The following PLA2G4A variants were observed in gnomAD, a reference collection of about 807,000 sequenced individuals.
The protein encoded by PLA2G4A is cytosolic phospholipase A2.
PLA2G4A carries 40 observed loss-of-function variants against 81.9 expected under a neutral mutation model. The observed-to-expected ratio is 0.49, with a 90% confidence interval of 0.38 to 0.64. PLA2G4A has a LOEUF of 0.64. Ranked by LOEUF, PLA2G4A falls within the 30% of genes least tolerant of loss-of-function variation. PLA2G4A has a pLI of 0.00. For synonymous variants in PLA2G4A, 302 were observed against 296.9 expected, an observed-to-expected ratio of 1.02 and a Z score of -0.18; for missense variants, 715 against 905.1, an observed-to-expected ratio of 0.79 and a Z score of 2.69.
chr1:186,957,591 G>C (rs1174635809), intron 14 of PLA2G4A, among the ~76,000 whole-genome samples: 1 of 152,222 alleles, frequency 6.6e-6, no homozygotes, highest in Non-Finnish European at 1.5e-5. Context: ...TGACTCCCTA[G>C]TGCAACATAG....
chr1:186,971,871 T>C (rs1277044849), intron 15 of PLA2G4A, among the ~76,000 whole-genome samples: 4 of 152,108 alleles, frequency 2.6e-5, no homozygotes, highest in Non-Finnish European at 5.9e-5. Flanking sequence ...ATATGCAATA[T>C]GATTTTATTA....
At position 186,871,381 on chromosome 1, in the gene PLA2G4A, T is replaced by A. The variant is rs546737723; in HGVS notation, c.115+865T>A. Among the ~76,000 whole-genome samples, 17 of 151,848 alleles carry A rather than the reference T, an allele frequency of 1.1e-4. No homozygotes were observed. In the East Asian group the frequency reaches 1.5e-3, roughly 14 times the overall value. ...TTTGATAACATCTTAGATTTAATAA[T>A]GTCTTAGATTTAACATCTTAGATTG... On this transcript the variant is annotated intron_variant, in intron 3 of 17. Transcript: ENST00000367466.
At chr1:186,987,081 GTTACTA>G (rs1439742631) in intron 17 of PLA2G4A, among the ~76,000 whole-genome samples, 1 of 152,146 alleles carries the variant, frequency 6.6e-6, no homozygotes, top group Non-Finnish European at 1.5e-5. Context: ...CGTTTTTAAA[GTTACTA>G]TTAGAGAATA....
At chr1:186,955,217 T>C (rs182112931) in intron 13 of PLA2G4A, among the ~76,000 whole-genome samples, 32 of 152,324 alleles carry the variant, frequency 2.1e-4, no homozygotes, top group African/African-American at 7.7e-4. Context: ...TTTGTTTAAA[T>C]TAAAGGCTTT....
chr1:186,958,814 G>A (rs182374403), intron 14 of PLA2G4A, among the ~76,000 whole-genome samples: 1 of 152,250 alleles, frequency 6.6e-6, no homozygotes, highest in East Asian at 1.9e-4. Context: ...CAACTTCCTG[G>A]AAGTTTTGCA....
intron 8 of PLA2G4A, among the ~76,000 whole-genome samples, 189 bp downstream of exon 8, chr1:186,933,088 T>C (rs1655812736): frequency 6.6e-6 from 1 of 152,160 alleles, no homozygotes. Context: ...ATAATAACTT[T>C]TTGTTGCAAA....
chr1:186,847,110 T>C (rs1652204325), intron 1 of PLA2G4A, among the ~76,000 whole-genome samples: 2 of 147,686 alleles, frequency 1.4e-5, no homozygotes, highest in South Asian at 4.4e-4. Flanking sequence ...AATCTACATA[T>C]ATATTTATAT....
At chr1:186,852,089 C>A (rs988678192) in intron 1 of PLA2G4A, among the ~76,000 whole-genome samples, 1 of 151,906 alleles carries the variant, frequency 6.6e-6, no homozygotes, top group Non-Finnish European at 1.5e-5. Context: ...TCCTATCATT[C>A]ATTCATTATT....
chr1:186,979,206 T>C (rs1657635148), intron 16 of PLA2G4A, 109 bp from the exon 17 acceptor site: 2 of 799,020 alleles, frequency 2.5e-6, no homozygotes, highest in South Asian at 1.4e-5. Context: ...TACCTGGCTC[T>C]GTGGGGACTC....
At chr1:186,881,496 T>C (rs972334912) in intron 3 of PLA2G4A, among the ~76,000 whole-genome samples, 2 of 152,066 alleles carry the variant, frequency 1.3e-5, no homozygotes, top group Non-Finnish European at 2.9e-5. Context: ...AGGAATTGTC[T>C]TTCAGCATCT....
intron 3 of PLA2G4A, among the ~76,000 whole-genome samples, chr1:186,890,851 C>CA (rs11390247): frequency 0.57 from 73,751 of 130,468 alleles, 20,219 homozygotes; most frequent in African/African-American, 0.69. Context: ...GACTCTGTCT[C>CA]AAAAAAAAAA....
At chr1:186,959,900 CA>C (rs1369163774) in intron 14 of PLA2G4A, among the ~76,000 whole-genome samples, 3 of 140,876 alleles carry the variant, frequency 2.1e-5, no homozygotes, top group Non-Finnish European at 4.6e-5. Flanking sequence ...ACCCCCATGC[CA>C]AAAAAAAGAT....
chr1:186,951,643 C>T (rs1216002055), intron 13 of PLA2G4A, among the ~76,000 whole-genome samples: 2 of 152,102 alleles, frequency 1.3e-5, no homozygotes, highest in Non-Finnish European at 1.5e-5. Flanking sequence ...CCTGTTTTAT[C>T]CTTGCTTAAT....
At chr1:186,955,904 T>TTA in intron 13 of PLA2G4A, among the ~76,000 whole-genome samples, 198 bp from the exon 14 acceptor site, 1 of 150,366 alleles carries the variant, frequency 6.7e-6, no homozygotes, top group South Asian at 2.1e-4. Context: ...CAGCTAATTT[T>TTA]TTTTTTTTTG....
At chr1:186,863,915 C>A (rs2102046414) in intron 2 of PLA2G4A, among the ~76,000 whole-genome samples, 1 of 152,158 alleles carries the variant, frequency 6.6e-6, no homozygotes, top group South Asian at 2.1e-4. Flanking sequence ...TGCCTGCCAC[C>A]ACGCCTGGCT....
intron 3 of PLA2G4A, among the ~76,000 whole-genome samples, chr1:186,892,199 C>T (rs1035158548): frequency 2.0e-5 from 3 of 152,064 alleles, no homozygotes; most frequent in African/African-American, 7.2e-5. Flanking sequence ...AATTTCTTGT[C>T]AGATGGGTAG....
rs777547571 is a variant in PLA2G4A at position 186,854,251 on chromosome 1, AG to A, written c.-69-33del. 404 of 757,084 alleles carry A rather than the reference AG, an allele frequency of 5.3e-4. 2 individuals are homozygous for A. The highest frequency in any genetic ancestry group is 1.6e-3 in the Middle Eastern group (6 of 3,742). The allele number at this position is 757,084 out of a possible 1,614,324, so 46.9% of individuals were successfully genotyped here. On this transcript the variant is annotated intron_variant, in intron 1 of 17. Transcript: ENST00000367466. Reference sequence around the variant, plus strand: ...TTTAAATCTTAGAACTGCATCCAAGAGGAAGCTTAACAATAGTGATTGTTTA... The same window carrying A: ...TTTAAATCTTAGAACTGCATCCAAGAGAAGCTTAACAATAGTGATTGTTTA...
intron 3 of PLA2G4A, among the ~76,000 whole-genome samples, chr1:186,882,291 A>T (rs997195009): frequency 5.9e-5 from 9 of 152,184 alleles, no homozygotes; most frequent in African/African-American, 1.9e-4. Context: ...GGACTAGATA[A>T]GGAAAGAATG....
Position 186,950,728 on chromosome 1 carries a change from G to T in PLA2G4A, c.1336G>T (p.Gly446Cys), listed in dbSNP as rs1656529271. Residue 446 changes from glycine (G) to cysteine (C), a missense_variant and splice_region_variant, in exon 13 of 18, where the codon GGC becomes TGC. Coordinates refer to ENST00000367466, the MANE Select transcript of PLA2G4A (RefSeq NM_024420.3). ...TGATGATGAATCACACGAACCCAAA[G>T]GTGAGTGAGCCGGAAACTTTTCTGG... Reference protein sequence around the residue: ...DSDDESHEPKGTENEDAGSDY... With the variant: ...DSDDESHEPKCTENEDAGSDY... The T allele has an allele frequency of 1.9e-6, 3 of 1,576,626 alleles. No homozygotes were observed. Among genetic ancestry groups the T allele is most frequent in the Non-Finnish European group, 2.6e-6 (3 of 1,146,388 alleles).
Sources: gnomAD v4.1 joint callset for allele counts (sites outside exome capture counted in the v4.1 genomes callset) on GRCh38, gnomAD v4.1.1 for gene constraint, MANE v1.5 for transcripts, NCBI Gene and HGNC (gene_info 2026-07-23, HGNC 2026-07-21) for gene names.